The following SEMA6A variants were observed in gnomAD, a reference collection of about 807,000 sequenced individuals.
The protein encoded by SEMA6A is semaphorin 6A.
A neutral mutation model predicts 96.8 loss-of-function variants in SEMA6A; 25 were observed. The observed-to-expected ratio is 0.26, with a 90% CI of 0.19 to 0.36. The LOEUF is 0.36. Among genes scored for constraint, SEMA6A ranks in the 10% least tolerant of loss-of-function variants. The pLI is 1.00. For synonymous variants in SEMA6A, 612 were observed against 518.0 expected (o/e 1.18, Z -2.46); for missense variants, 1,363 against 1,323.1 (o/e 1.03, Z -0.47).
At chr5:116,454,034 C>G (rs928886746) in intron 18 of SEMA6A, among the ~76,000 whole-genome samples, 1 of 152,186 alleles carries the variant, frequency 6.6e-6, no homozygotes, top group Non-Finnish European at 1.5e-5. Flanking sequence ...TGTGCACTTT[C>G]CCCTCTCACC....
chr5:116,560,084 C>T (rs748713648), intron 1 of SEMA6A, among the ~76,000 whole-genome samples: 1 of 152,188 alleles, frequency 6.6e-6, no homozygotes, highest in Non-Finnish European at 1.5e-5. Context: ...CATTCCCCAC[C>T]TCTGGGCTTT....
At chr5:116,497,562 C>A (rs576740564) in intron 3 of SEMA6A, among the ~76,000 whole-genome samples, 175 bp from the exon 4 acceptor site, 1 of 152,292 alleles carries the variant, frequency 6.6e-6, no homozygotes, top group East Asian at 1.9e-4. Flanking sequence ...CCATTTAGCA[C>A]CTTCTGATAA....
chr5:116,466,155 G>A (rs1245144315), intron 18 of SEMA6A, among the ~76,000 whole-genome samples: 1 of 151,170 alleles, frequency 6.6e-6, no homozygotes, highest in East Asian at 1.9e-4. Flanking sequence ...TGGATCACCT[G>A]AGGTCAGGAG....
At chr5:116,452,973 G>T (rs938972590) in intron 18 of SEMA6A, among the ~76,000 whole-genome samples, 1 of 152,188 alleles carries the variant, frequency 6.6e-6, no homozygotes, top group African/African-American at 2.4e-5. Flanking sequence ...CCAAAGTGTG[G>T]CTATGTCATG....
intron 1 of SEMA6A, among the ~76,000 whole-genome samples, chr5:116,572,169 G>A (rs1043084239): frequency 1.3e-5 from 2 of 152,216 alleles, no homozygotes; most frequent in South Asian, 2.1e-4. Context: ...CACTGCAAGT[G>A]GGTTAAACGG....
chr5:116,496,476 G>C lies in SEMA6A; in HGVS notation c.280-163C>G, dbSNP rs1757609504. On this transcript the variant is annotated intron_variant, in intron 4 of 18. Coordinates refer to ENST00000343348, the MANE Select transcript of SEMA6A (RefSeq NM_020796.5). ...TTCACCGTAACAACAAAAGATTCCA[G>C]ATGAAAACGTCCGTTTAATTTTGAA... Among the ~76,000 whole-genome samples the C allele has an allele frequency of 3.9e-5, 6 of 152,144 alleles. No homozygotes were observed. The South Asian group carries it at 1.2e-3, about 32-fold the overall frequency.
intron 2 of SEMA6A, among the ~76,000 whole-genome samples, chr5:116,503,452 C>A (rs1351140302): frequency 6.6e-6 from 1 of 151,946 alleles, no homozygotes; most frequent in Non-Finnish European, 1.5e-5. Flanking sequence ...AATGTCTCTA[C>A]GATCATGGAT....
Position 116,538,449 on chromosome 5 carries a change from A to T in SEMA6A, c.-38-33467T>A, listed in dbSNP as rs73780336. ...CAACACCACTTTCTGTCCTGAGATG[A>T]CAGACTCACGTGGAGCCACCTCAGT... On this transcript the variant is annotated intron_variant, in intron 1 of 18. Transcript: ENST00000343348. Among the ~76,000 whole-genome samples the T allele has an allele frequency of 7.4e-3, 1,130 of 152,296 alleles. 13 individuals are homozygous for T. Among genetic ancestry groups the T allele is most frequent in the African/African-American group, 0.025 (1,058 of 41,556 alleles).
At chr5:116,467,385 T>C (rs1247083864) in intron 18 of SEMA6A, among the ~76,000 whole-genome samples, 198 bp downstream of exon 18, 2 of 152,014 alleles carry the variant, frequency 1.3e-5, no homozygotes, top group Non-Finnish European at 2.9e-5. Context: ...TTTTGTGTGG[T>C]TTTTCCTTGG....
chr5:116,528,739 A>C (rs770328300), intron 1 of SEMA6A, among the ~76,000 whole-genome samples: 35 of 152,172 alleles, frequency 2.3e-4, no homozygotes, highest in Admixed American at 1.6e-3. Flanking sequence ...TCTAGCCTGC[A>C]ACAAATTAGG....
At chr5:116,482,813 T>C (rs1282527057) in intron 10 of SEMA6A, among the ~76,000 whole-genome samples, 1 of 152,212 alleles carries the variant, frequency 6.6e-6, no homozygotes, top group Non-Finnish European at 1.5e-5. Flanking sequence ...AAAAAACTCT[T>C]CATGTCTACA....
chr5:116,543,149 G>A (rs895429019), intron 1 of SEMA6A, among the ~76,000 whole-genome samples: 6 of 152,074 alleles, frequency 3.9e-5, no homozygotes, highest in African/African-American at 7.2e-5. Flanking sequence ...TCTGTGTTAT[G>A]ACTATAACCG....
chr5:116,565,435 C>G (rs1464276839), intron 1 of SEMA6A, among the ~76,000 whole-genome samples: 1 of 152,132 alleles, frequency 6.6e-6, no homozygotes, highest in Non-Finnish European at 1.5e-5. Context: ...GATGAAGATC[C>G]CAGCGACAGT....
At chr5:116,491,426 T>A (rs1009110057) in intron 7 of SEMA6A, among the ~76,000 whole-genome samples, 18 of 14,228 alleles carry the variant, frequency 1.3e-3, no homozygotes, top group African/African-American at 3.6e-3. Flanking sequence ...TAAATTTAAT[T>A]TTTTTTTTTT....
At chr5:116,472,903 A>T in intron 17 of SEMA6A, 170 bp downstream of exon 17, 1 of 1,519,776 alleles carries the variant, frequency 6.6e-7, no homozygotes, top group African/African-American at 1.4e-5. Flanking sequence ...GTGTTGTAAG[A>T]CATTTCATTA....
chr5:116,475,656 C>T (rs1443366498), intron 15 of SEMA6A, 53 bp from the exon 16 acceptor site: 3 of 1,348,186 alleles, frequency 2.2e-6, no homozygotes, highest in Admixed American at 2.0e-5. Context: ...TAACGTGAGT[C>T]TTCAGAAATG....
chr5:116,480,680 C>T (rs1489964839), intron 11 of SEMA6A, among the ~76,000 whole-genome samples: 2 of 151,942 alleles, frequency 1.3e-5, no homozygotes, highest in African/African-American at 4.8e-5. Context: ...ATTAGGTTGA[C>T]GTTTTCGCAA....
intron 18 of SEMA6A, among the ~76,000 whole-genome samples, 158 bp downstream of exon 18, chr5:116,467,425 A>G (rs536315540): frequency 5.3e-5 from 8 of 152,124 alleles, no homozygotes; most frequent in Non-Finnish European, 8.8e-5. Context: ...CAAGCCTCAC[A>G]TAGAGGATGG....
chr5:116,552,220 T>A (rs1270681601), intron 1 of SEMA6A, among the ~76,000 whole-genome samples: 1 of 147,614 alleles, frequency 6.8e-6, no homozygotes, highest in East Asian at 2.0e-4. Flanking sequence ...ATGTACACAT[T>A]TCCTTTAAAA....
Sources: allele counts gnomAD v4.1 joint callset (sites outside exome capture counted in the v4.1 genomes callset), GRCh38; gene constraint gnomAD v4.1.1; transcripts MANE v1.5; gene names NCBI Gene and HGNC (gene_info 2026-07-23, HGNC 2026-07-21).